The following TRAF2 variants were observed in gnomAD, a reference collection of about 807,000 sequenced individuals.
The protein encoded by TRAF2 is TNF receptor-associated factor 2.
TRAF2 carries 6 observed loss-of-function variants against 55.6 expected under a neutral mutation model. The ratio of observed to expected loss-of-function variants is 0.11; its 90% confidence interval spans 0.06 to 0.21. The LOEUF (loss-of-function observed/expected upper bound fraction) is 0.21. TRAF2 is among the 10% of genes least tolerant of loss of function. TRAF2 has a pLI of 1.00. For synonymous variants in TRAF2, 329 were observed against 276.3 expected, an observed-to-expected ratio of 1.19 and a Z score of -1.89; for missense variants, 561 against 684.5, an observed-to-expected ratio of 0.82 and a Z score of 2.01.
At chr9:136,897,304 T>TGGAG (rs1554779036) in intron 1 of TRAF2, among the ~76,000 whole-genome samples, 2 of 152,002 alleles carry the variant, frequency 1.3e-5, no homozygotes, top group African/African-American at 4.8e-5. Flanking sequence ...CCTTGGTGCT[T>TGGAG]AGGCAGAAGG....
upstream of TRAF2, among the ~76,000 whole-genome samples, chr9:136,885,246 T>C (rs1849424010): frequency 6.6e-6 from 1 of 152,238 alleles, no homozygotes; most frequent in African/African-American, 2.4e-5. Flanking sequence ...ATTCCATCCT[T>C]GAGGAGTCCC....
At chr9:136,909,771 C>T in intron 5 of TRAF2, 149 bp from the exon 6 acceptor site, 1 of 741,770 alleles carries the variant, frequency 1.3e-6, no homozygotes, top group South Asian at 1.6e-5. Flanking sequence ...CAGGATCCTG[C>T]CCGGGAGGAG....
chr9:136,890,430 A>G (rs1849558509), intron 1 of TRAF2: 1 of 152,254 alleles, frequency 6.6e-6, no homozygotes, highest in South Asian at 2.1e-4. Flanking sequence ...CCGGCCGCGC[A>G]CCAGGTCTCA....
At chr9:136,923,083 C>T (rs1850434855) in intron 9 of TRAF2, among the ~76,000 whole-genome samples, 1 of 152,158 alleles carries the variant, frequency 6.6e-6, no homozygotes, top group African/African-American at 2.4e-5. Context: ...CGGGTTCTGG[C>T]TGTCACTCAC....
intron 1 of TRAF2, chr9:136,898,468 T>C (rs1169791259): frequency 2.0e-6 from 1 of 502,100 alleles, no homozygotes; most frequent in African/African-American, 2.1e-5. Flanking sequence ...GGGTTGGTTG[T>C]GTGGATGCCA....
At position 136,886,564 on chromosome 9, in the gene TRAF2, TGCGGGGTCGGGCGCGGGC is replaced by T. The variant is rs1158703104; in HGVS notation, c.-29+35_-29+52del. 7 of 961,608 alleles carry T rather than the reference TGCGGGGTCGGGCGCGGGC, an allele frequency of 7.3e-6. No homozygotes were observed. In the South Asian group the frequency reaches 1.4e-4, roughly 19 times the overall value. 59.6% of individuals were successfully genotyped at this position (961,608 alleles called of 1,614,324 possible). A position where few individuals can be genotyped will look rare whatever the true frequency, so the allele number is the denominator to read the frequency against. Reference sequence around the variant, plus strand: ...TGGGTGAGGCGAGCGCGGGGTCGGGTGCGGGGTCGGGCGCGGGCGCGGGGTCGGGTGCGGGGTCGGGCG... The same window carrying T: ...TGGGTGAGGCGAGCGCGGGGTCGGGTGCGGGGTCGGGTGCGGGGTCGGGCG... On this transcript the variant is annotated intron_variant, in intron 1 of 10. Coordinates refer to ENST00000247668, the MANE Select transcript of TRAF2 (RefSeq NM_021138.4).
chr9:136,898,479 G>A, intron 1 of TRAF2: 2 of 670,248 alleles, frequency 3.0e-6, no homozygotes, highest in Non-Finnish European at 3.7e-6. Flanking sequence ...GTGGATGCCA[G>A]CTGTGTGGTC....
chr9:136,899,138 G>T (rs1183837442), intron 2 of TRAF2, among the ~76,000 whole-genome samples: 2 of 152,202 alleles, frequency 1.3e-5, no homozygotes, highest in Non-Finnish European at 2.9e-5. Flanking sequence ...TGGATACATG[G>T]GGTTAAATAT....
rs1160764864 is a variant in TRAF2, at chr9:136,922,652, G to A, written c.1139-1200G>A. ...TGGGCCTGGGGGCACGGTGGAGGAC[G>A]AGGATGGGGAGGATGGGCCTGGGGG... On this transcript the variant is annotated intron_variant, in intron 9 of 10. Transcript: ENST00000247668. Among the ~76,000 whole-genome samples the A allele has an allele frequency of 2.8e-5, 4 of 145,006 alleles. No individual in the cohort carries two copies. The East Asian group carries it at 8.4e-4, about 30-fold the overall frequency.
intron 9 of TRAF2, chr9:136,922,391 C>T (rs1432443971): frequency 6.6e-6 from 1 of 152,492 alleles, no homozygotes; most frequent in South Asian, 2.1e-4. Context: ...GCTGCTGGCT[C>T]AGCCGATTGT....
chr9:136,902,793 C>T (rs1489260801), intron 4 of TRAF2, among the ~76,000 whole-genome samples: 3 of 152,316 alleles, frequency 2.0e-5, no homozygotes, highest in South Asian at 2.1e-4. Flanking sequence ...TCTTTGCTCT[C>T]CGGGTGCTCG....
chr9:136,898,989 G>A (rs1410943516), intron 2 of TRAF2, 61 bp downstream of exon 2: 31 of 1,509,648 alleles, frequency 2.1e-5, no homozygotes, highest in Non-Finnish European at 2.1e-5. Context: ...TTAGAGCCAC[G>A]CTGCCCAGCC....
chr9:136,923,295 G>A (rs896737077), intron 9 of TRAF2, among the ~76,000 whole-genome samples: 1 of 152,090 alleles, frequency 6.6e-6, no homozygotes, highest in Non-Finnish European at 1.5e-5. Context: ...AAGTTTTGGG[G>A]GTTACATTTG....
At chr9:136,899,973 C>T (rs1382981164) in intron 3 of TRAF2, among the ~76,000 whole-genome samples, 1 of 152,160 alleles carries the variant, frequency 6.6e-6, no homozygotes, top group Non-Finnish European at 1.5e-5. Context: ...CGAGACCAGC[C>T]TGGCGCACAT....
At chr9:136,885,625 G>A (rs1849430025), upstream of TRAF2, among the ~76,000 whole-genome samples, 1 of 152,168 alleles carries the variant, frequency 6.6e-6, no homozygotes, top group Non-Finnish European at 1.5e-5. Context: ...AACATTAGCC[G>A]GGCGTGATGG....
At chr9:136,915,521 C>T (rs1351992375) in intron 6 of TRAF2, among the ~76,000 whole-genome samples, 13 of 152,022 alleles carry the variant, frequency 8.6e-5, no homozygotes, top group Non-Finnish European at 1.8e-4. Context: ...ATTGACACAG[C>T]GTTCACGTTG....
At chr9:136,892,379 G>A (rs1308100899) in intron 1 of TRAF2, among the ~76,000 whole-genome samples, 1 of 152,138 alleles carries the variant, frequency 6.6e-6, no homozygotes, top group East Asian at 1.9e-4. Context: ...CAGGAGAATG[G>A]CGTGAACCTG....
In TRAF2 at chr9:136,920,360, C is replaced by T. The variant is rs1236254179; in HGVS notation, c.805C>T (p.Leu269=). The T allele has an allele frequency of 6.2e-7, 1 of 1,614,126 alleles. No homozygotes were observed. ...GDQSHAGSEL[L]QRCESLEKKT... is the part of the protein sequence containing the mutation. The stretch of plus-strand genomic sequence containing the variant: ...CCAGAGCCACGCGGGGTCAGAGCTC[C>T]TGCAGAGGTGCGAGAGCCTGGAGAA... The change falls in exon 8 of 11, where the codon CTG becomes TTG. Residue 269 remains leucine (L), a synonymous_variant. Coordinates refer to ENST00000247668, the MANE Select transcript of TRAF2 (RefSeq NM_021138.4).
At chr9:136,921,848 C>T (rs569189062) in intron 9 of TRAF2, among the ~76,000 whole-genome samples, 1 of 152,230 alleles carries the variant, frequency 6.6e-6, no homozygotes, top group Non-Finnish European at 1.5e-5. Flanking sequence ...AGTCCAGAGG[C>T]GGCCCCCCTG....
Sources: allele counts gnomAD v4.1 joint callset (sites outside exome capture counted in the v4.1 genomes callset), GRCh38; gene constraint gnomAD v4.1.1; transcripts MANE v1.5; gene names NCBI Gene and HGNC (gene_info 2026-07-23, HGNC 2026-07-21).